The following CDK11B variants were observed in gnomAD, a reference collection of about 807,000 sequenced individuals.
CDK11B encodes the protein cyclin-dependent kinase 11B.
A neutral mutation model predicts 84.0 loss-of-function variants in CDK11B; 37 were observed. The ratio of observed to expected loss-of-function variants is 0.44; its 90% CI spans 0.34 to 0.58. The LOEUF (loss-of-function observed/expected upper bound fraction) is 0.58. Ranked by LOEUF, CDK11B falls within the 20% of genes least tolerant of loss-of-function variation. The pLI is 0.02. For missense variants in CDK11B, 427 were observed against 834.0 expected, an observed-to-expected ratio of 0.51 and a Z score of 6.01; for synonymous variants, 269 against 309.8, an observed-to-expected ratio of 0.87 and a Z score of 1.38.
At chr1:1,646,721 C>T (rs749730401) in intron 5 of CDK11B, 1 of 519,912 alleles carries the variant, frequency 1.9e-6, no homozygotes, top group African/African-American at 1.9e-5. Context: ...TGAATCCCAC[C>T]AGTCTCTGCT....
At chr1:1,652,623 G>A (rs1312858432) in intron 3 of CDK11B, 57 bp from the exon 4 acceptor site, 51 of 1,298,622 alleles carry the variant, frequency 3.9e-5, no homozygotes, top group Non-Finnish European at 4.5e-5. Context: ...AGAAGCATCA[G>A]GCTATTATAA....
intron 9 of CDK11B, among the ~76,000 whole-genome samples, 175 bp from the exon 10 acceptor site, chr1:1,641,288 C>G (rs1640257322): frequency 1.4e-5 from 2 of 146,992 alleles, no homozygotes; most frequent in South Asian, 4.2e-4. Flanking sequence ...GCGGGTGGAT[C>G]ACCTGAGGTC....
At position 1,640,401 on chromosome 1, in the gene CDK11B, T is replaced by C; in HGVS notation, c.1127A>G (p.Glu376Gly). ...CTGCGGCGTTCCCTCACCCACTTCT[T>C]CCTCTGCTTCTTCACTCTCCCCGGA... Reference protein sequence around the residue: ...RDSGESEEAEEEVGEGTPQSS... With the variant: ...RDSGESEEAEGEVGEGTPQSS... The change falls in exon 11 of 20, where the codon GAA becomes GGA. Residue 376 changes from glutamate to glycine, a missense_variant. By Grantham distance (98) the Glu-to-Gly change is moderately conservative. Around this residue, in one of 12 missense-constraint regions of CDK11B, gnomAD observed 43 missense variants for 61.8 expected, o/e 0.70. Coordinates refer to ENST00000341832, the MANE Select transcript of CDK11B (RefSeq NM_033486.3). The C allele has an allele frequency of 6.2e-7, 1 of 1,613,616 alleles. No homozygotes were observed. Among genetic ancestry groups the C allele is most frequent in the South Asian group, 1.1e-5 (1 of 91,064 alleles).
chr1:1,637,252 G>A (rs1414395500), intron 14 of CDK11B, 50 bp from the exon 15 acceptor site: 2 of 1,604,822 alleles, frequency 1.2e-6, no homozygotes, highest in African/African-American at 2.7e-5. Flanking sequence ...CCAGCCCAGG[G>A]CACTCAGGGT....
At chr1:1,655,876 C>T (rs928006630) in intron 2 of CDK11B, among the ~76,000 whole-genome samples, 1 of 151,558 alleles carries the variant, frequency 6.6e-6, no homozygotes, top group South Asian at 2.1e-4. Flanking sequence ...AGTTAGACTC[C>T]GTATCAGGGA....
intron 3 of CDK11B, among the ~76,000 whole-genome samples, chr1:1,654,406 C>A (rs571088927): frequency 6.6e-6 from 1 of 152,298 alleles, no homozygotes; most frequent in South Asian, 2.1e-4. Context: ...CCATGAGGGG[C>A]ACCTGCTATG....
At chr1:1,637,272 G>C (rs1051131003) in intron 14 of CDK11B, 70 bp from the exon 15 acceptor site, 3 of 1,587,928 alleles carry the variant, frequency 1.9e-6, no homozygotes, top group Non-Finnish European at 2.6e-6. Context: ...TGGCCCACTC[G>C]CCTCGGCAGC....
intron 5 of CDK11B, among the ~76,000 whole-genome samples, chr1:1,648,461 G>A (rs1306523019): frequency 1.3e-5 from 2 of 151,724 alleles, no homozygotes; most frequent in African/African-American, 4.9e-5. Context: ...AAGAACCAGC[G>A]CCCTCTCATC....
intron 3 of CDK11B, chr1:1,654,028 C>A (rs1642389797): frequency 7.3e-6 from 3 of 412,040 alleles, no homozygotes; most frequent in South Asian, 3.6e-5. Context: ...ACAACAACAA[C>A]AAAACAATCT....
chr1:1,651,994 A>G (rs1160304616), intron 4 of CDK11B, among the ~76,000 whole-genome samples: 1 of 151,638 alleles, frequency 6.6e-6, no homozygotes, highest in African/African-American at 2.4e-5. Flanking sequence ...GGTCTGTGAC[A>G]CACGCGTGCT....
intron 5 of CDK11B, chr1:1,646,381 T>TTGC (rs1641116993): frequency 1.2e-5 from 6 of 485,870 alleles, no homozygotes; most frequent in South Asian, 7.4e-5. Flanking sequence ...TTCTTAGTGG[T>TTGC]TGCTCTAGGG....
intron 2 of CDK11B, among the ~76,000 whole-genome samples, chr1:1,655,885 G>C (rs1642680857): frequency 6.6e-6 from 1 of 150,844 alleles, no homozygotes; most frequent in African/African-American, 2.4e-5. Flanking sequence ...CCGTATCAGG[G>C]AAAACAAACA....
intron 12 of CDK11B, among the ~76,000 whole-genome samples, chr1:1,638,099 A>T (rs557323709): frequency 1.0e-3 from 155 of 152,246 alleles, no homozygotes; most frequent in Middle Eastern, 3.4e-3. Flanking sequence ...ACAGACACTC[A>T]CAGCCACCTA....
At chr1:1,651,031 C>T (rs1379549067) in intron 4 of CDK11B, among the ~76,000 whole-genome samples, 273 of 152,234 alleles carry the variant, frequency 1.8e-3, no homozygotes, top group African/African-American at 6.2e-3. Context: ...TATCAGTGGG[C>T]TTCTCCACTG....
At chr1:1,637,568 G>A (rs1639563419) in intron 13 of CDK11B, 55 bp from the exon 14 acceptor site, 10 of 1,606,308 alleles carry the variant, frequency 6.2e-6, no homozygotes, top group Admixed American at 5.2e-5. Flanking sequence ...ACCCACCCCT[G>A]CACCCGGGTG....
rs1229375743 is a variant in CDK11B at position 1,657,377 on chromosome 1, T to A, written c.109A>T (p.Asn37Tyr). ...CTTACTTAAAAAATATGGCTTACAT[T>A]TTTTAAGCGTTTTATCTCTGCTTTC... Reference protein sequence around the residue: ...EEKAEIKRLKNSDDRDSKRDS... With the variant: ...EEKAEIKRLKYSDDRDSKRDS... Residue 37 changes from asparagine to tyrosine, a missense_variant and splice_region_variant, in exon 2 of 20, where the codon AAT (asparagine) becomes TAT (tyrosine). Physicochemically the swap from Asn to Tyr is moderately radical, Grantham distance 143 (BLOSUM62 -2). Around this residue, in one of 12 missense-constraint regions of CDK11B, gnomAD observed 57 missense variants for 62.2 expected, o/e 0.92. Transcript: ENST00000341832. The A allele has an allele frequency of 6.2e-7, 1 of 1,611,802 alleles. No homozygotes were observed. The highest frequency in any genetic ancestry group is 8.5e-7 in the Non-Finnish European group (1 of 1,178,794).
chr1:1,640,319 G>C lies in CDK11B; in HGVS notation c.1209C>G (p.Ile403Met), dbSNP rs1441181585. The C allele has an allele frequency of 1.2e-6, 2 of 1,613,670 alleles. No homozygotes were observed. The highest frequency in any genetic ancestry group is 1.7e-6 in the Non-Finnish European group (2 of 1,179,658). ...ACTTGGGCAGCTCCTGCTTGAGCTC[G>C]ATGGGCGACAGGGCAGGGGAGTCGG... The part of the protein sequence containing the change: ...YVPDSPALSP[I>M]ELKQELPKYL... Residue 403 changes from isoleucine (I) to methionine (M), a missense_variant, in exon 11 of 20, where the codon ATC (isoleucine) becomes ATG (methionine). Transcript: ENST00000341832.
chr1:1,650,079 G>C (rs1386670547), intron 4 of CDK11B, among the ~76,000 whole-genome samples: 6 of 150,946 alleles, frequency 4.0e-5, no homozygotes, highest in South Asian at 2.1e-4. Flanking sequence ...GACCATCCTG[G>C]CTAACACGGT....
chr1:1,648,688 A>G (rs969248303), intron 5 of CDK11B, among the ~76,000 whole-genome samples: 5 of 152,204 alleles, frequency 3.3e-5, no homozygotes, highest in Admixed American at 3.3e-4. Context: ...TGGCTCATAA[A>G]GGGGAACGAA....
Sources: allele counts gnomAD v4.1 joint callset (sites outside exome capture counted in the v4.1 genomes callset), GRCh38; gene constraint gnomAD v4.1.1; regional missense constraint gnomAD v4.1.1; transcripts MANE v1.5; gene names NCBI Gene and HGNC (gene_info 2026-07-23, HGNC 2026-07-21).